ZNF135: variants seen among roughly 807,000 people sequenced by gnomAD.
ZNF135 encodes zinc finger protein 135 (clone pHZ-17).
A neutral mutation model predicts 12.3 loss-of-function variants in ZNF135; 11 were observed. The ratio of observed to expected loss-of-function variants is 0.89; its 90% CI spans 0.56 to 1.48. ZNF135 has a LOEUF of 1.48. ZNF135 is among the 40% of genes most tolerant of loss of function. The pLI is 0.00. For synonymous variants in ZNF135, 316 were observed against 312.0 expected, an observed-to-expected ratio of 1.01 and a Z score of -0.14; for missense variants, 722 against 815.7, an observed-to-expected ratio of 0.89 and a Z score of 1.40.
At chr19:58,064,525 T>C (rs922011147) in intron 4 of ZNF135, among the ~76,000 whole-genome samples, 9 of 152,142 alleles carry the variant, frequency 5.9e-5, no homozygotes, top group Non-Finnish European at 8.8e-5. Flanking sequence ...CTTATGATTT[T>C]TTTAAATAGC....
chr19:58,059,582 C>G lies in ZNF135; in HGVS notation c.-35+272C>G, dbSNP rs1599917401. Among the ~76,000 whole-genome samples the G allele has an allele frequency of 6.6e-6, 1 of 152,120 alleles. No homozygotes were observed. The highest frequency in any genetic ancestry group is 1.5e-5 in the Non-Finnish European group (1 of 68,004). On this transcript the variant is annotated intron_variant, in intron 1 of 4. Transcript: ENST00000313434. The surrounding 1 kb of genome is among the most constrained non-coding windows in gnomAD (Gnocchi z 6.5). Reference sequence around the variant, plus strand: ...CTCCGACGGCCCCTGAGGGAACGCGCGCCCCGCCCCTGGCCCCACCTCTGC... The same window carrying G: ...CTCCGACGGCCCCTGAGGGAACGCGGGCCCCGCCCCTGGCCCCACCTCTGC...
At position 58,068,235 on chromosome 19, in the gene ZNF135, G is replaced by T; in HGVS notation, c.1751G>T (p.Gly584Val). Residue 584 changes from glycine to valine, a missense_variant, in exon 5 of 5, where the codon GGG becomes GTG. Gly to Val is a moderately radical substitution (Grantham distance 109). Coordinates refer to ENST00000313434, the MANE Select transcript of ZNF135 (RefSeq NM_001289401.2). ...KEKPYGCNECGKSFSHSSSLS... is the reference protein window; with the variant it reads ...KEKPYGCNECVKSFSHSSSLS... The stretch of plus-strand genomic sequence containing the variant: ...AAGCCGTATGGGTGCAATGAGTGTG[G>T]GAAATCCTTCAGCCACAGCTCCTCG... The T allele has an allele frequency of 1.9e-6, 3 of 1,614,022 alleles. No homozygotes were observed. Among genetic ancestry groups the T allele is most frequent in the Non-Finnish European group, 2.5e-6 (3 of 1,180,012 alleles).
chr19:58,067,716 AGT>A lies in ZNF135; in HGVS notation c.1236_1237del (p.Cys412TrpfsTer2). 1 of 1,614,134 alleles carries A rather than the reference AGT, an allele frequency of 6.2e-7. No individual in the cohort carries two copies. The highest frequency in any genetic ancestry group is 8.5e-7 in the Non-Finnish European group (1 of 1,180,024). On this transcript the variant is annotated frameshift_variant, in exon 5 of 5. Coordinates refer to ENST00000313434, the MANE Select transcript of ZNF135 (RefSeq NM_001289401.2). LOFTEE classifies it low-confidence loss of function (END_TRUNC). The stretch of plus-strand genomic sequence containing the variant: ...ACCCACACAGGAGAAAAGCCCTATG[AGT>A]GTGGTGAGTGTGGGAAAGCCTTCAG...
Position 58,067,950 on chromosome 19 carries a change from C to G in ZNF135, c.1466C>G (p.Thr489Arg), listed in dbSNP as rs1355211303. 4.3e-6 allele frequency: 7 copies of G among 1,613,976 alleles called. No homozygotes were observed. The highest frequency in any genetic ancestry group is 5.9e-6 in the Non-Finnish European group (7 of 1,180,040). ...THLTQHQRIHTGEKPYECNDC... is the reference protein window; with the variant it reads ...THLTQHQRIHRGEKPYECNDC... ...CTCACCCAACACCAGCGAATCCACA[C>G]AGGGGAGAAGCCCTATGAATGCAAT... The change falls in exon 5 of 5, where the codon ACA becomes AGA. Residue 489 changes from threonine to arginine, a missense_variant. Thr to Arg is a moderately conservative substitution (Grantham distance 71, BLOSUM62 -1). Coordinates refer to ENST00000313434, the MANE Select transcript of ZNF135 (RefSeq NM_001289401.2).
chr19:58,061,356 T>A (rs1024027922), intron 2 of ZNF135, among the ~76,000 whole-genome samples: 3 of 152,190 alleles, frequency 2.0e-5, no homozygotes, highest in African/African-American at 7.2e-5. Flanking sequence ...CCTCCATTTC[T>A]TATTTCAAGA....
chr19:58,063,075 G>A lies in ZNF135; in HGVS notation c.161-371G>A, dbSNP rs1322413806. On this transcript the variant is annotated intron_variant, in intron 3 of 4. Coordinates refer to ENST00000313434, the MANE Select transcript of ZNF135 (RefSeq NM_001289401.2). This position sits in a 1 kb window ranked among gnomAD's most constrained non-coding sequence, Gnocchi z 4.4. ...AGAGAGGCTCCTCTGGAGGTGACAA[G>A]ACAACTGCCTGGGGTGCCTTTCCTG... Among the ~76,000 whole-genome samples the A allele has an allele frequency of 6.6e-6, 1 of 152,180 alleles. No homozygotes were observed. Among genetic ancestry groups the A allele is most frequent in the Non-Finnish European group, 1.5e-5 (1 of 68,032 alleles).
chr19:58,067,463 G>C lies in ZNF135; in HGVS notation c.979G>C (p.Glu327Gln), dbSNP rs371576206. 6.2e-7 allele frequency: 1 copy of C among 1,614,188 alleles called. No individual in the cohort carries two copies. The highest frequency in any genetic ancestry group is 8.5e-7 in the Non-Finnish European group (1 of 1,180,038). Residue 327 changes from glutamate (E) to glutamine (Q), a missense_variant, in exon 5 of 5, where the codon GAG (glutamate) becomes CAG (glutamine). By Grantham distance (29) the Glu-to-Gln change is conservative. Transcript: ENST00000313434. ...ERTHTGEKPYECSECGKAFRQ... is the reference protein window; with the variant it reads ...ERTHTGEKPYQCSECGKAFRQ... The stretch of plus-strand genomic sequence containing the variant: ...AACTCACACAGGCGAGAAGCCCTAC[G>C]AGTGCAGTGAGTGTGGGAAAGCCTT...
rs2145927999 is a variant in ZNF135, at chr19:58,063,126, G to A, written c.161-320G>A. On this transcript the variant is annotated intron_variant, in intron 3 of 4. Transcript: ENST00000313434. The surrounding 1 kb of genome is among the most constrained non-coding windows in gnomAD (Gnocchi z 4.4). ...CAACCAAGACCAGCAGAAAAGACAG[G>A]ATCTGTGTCCCAGGGTTGTCCTGGT... Among the ~76,000 whole-genome samples, 1 of 152,314 alleles carries A rather than the reference G, an allele frequency of 6.6e-6. No individual in the cohort carries two copies. The highest frequency in any genetic ancestry group is 2.4e-5 in the African/African-American group (1 of 41,572).
rs2074020483 is a variant in ZNF135 at position 58,063,664 on chromosome 19, C to G, written c.256+123C>G. The G allele has an allele frequency of 2.0e-6, 3 of 1,468,320 alleles. No individual in the cohort carries two copies. Among genetic ancestry groups the G allele is most frequent in the Non-Finnish European group, 2.7e-6 (3 of 1,106,694 alleles). The allele number at this position is 1,468,320 out of a possible 1,614,324, so 91.0% of individuals were successfully genotyped here. ...ACTACTCAGTCTTAGTGAAGATTTA[C>G]CAAGCACCCATTTTGCTGTGAGTGA... On this transcript the variant is annotated intron_variant, in intron 4 of 4. Coordinates refer to ENST00000313434, the MANE Select transcript of ZNF135 (RefSeq NM_001289401.2). The surrounding 1 kb of genome is among the most constrained non-coding windows in gnomAD (Gnocchi z 4.4).
intron 3 of ZNF135, among the ~76,000 whole-genome samples, chr19:58,062,007 T>A (rs1199987055): frequency 1.3e-5 from 2 of 152,152 alleles, no homozygotes; most frequent in East Asian, 3.9e-4. Flanking sequence ...TAGGAGCCCC[T>A]CCTTCTTCAA....
chr19:58,062,353 CTTATTTATTTAT>C (rs111934366), intron 3 of ZNF135, among the ~76,000 whole-genome samples: 2 of 151,406 alleles, frequency 1.3e-5, no homozygotes, highest in Admixed American at 6.6e-5. Context: ...ACATTTGAAC[CTTATTTATTTAT>C]TTATTTATTT....
chr19:58,063,469 G>A lies in ZNF135; in HGVS notation c.184G>A (p.Val62Ile). The A allele has an allele frequency of 6.2e-7, 1 of 1,614,120 alleles. No homozygotes were observed. Among genetic ancestry groups the A allele is most frequent in the Non-Finnish European group, 8.5e-7 (1 of 1,180,002 alleles). ...SVGHWLPKPNVISLLEQEAEL... is the reference protein window; with the variant it reads ...SVGHWLPKPNIISLLEQEAEL... ...AGGACATTGGTTACCGAAGCCGAAT[G>A]TCATCTCCCTGCTGGAGCAAGAGGC... is the stretch of plus-strand genomic sequence containing the variant. Residue 62 changes from valine to isoleucine, a missense_variant, in exon 4 of 5, where the codon GTC (valine) becomes ATC (isoleucine). Coordinates refer to ENST00000313434, the MANE Select transcript of ZNF135 (RefSeq NM_001289401.2). The surrounding 1 kb of genome is among the most constrained non-coding windows in gnomAD (Gnocchi z 4.4).
rs747636592 is a variant in ZNF135, at chr19:58,060,064, C to T, written c.33+29C>T. On this transcript the variant is annotated intron_variant, in intron 2 of 4. Transcript: ENST00000313434. This position sits in a 1 kb window ranked among gnomAD's most constrained non-coding sequence, Gnocchi z 4.9. ...AGAATCTCGGCCTCCTTGCGCGTGT[C>T]CTCCACCTCGTGCCCGGCCTCCTCG... 11 of 1,612,574 alleles carry T rather than the reference C, an allele frequency of 6.8e-6. No homozygotes were observed. The highest frequency in any genetic ancestry group is 3.3e-5 in the Admixed American group (2 of 59,998).
chr19:58,067,028 C>T lies in ZNF135; in HGVS notation c.544C>T (p.Pro182Ser). The T allele has an allele frequency of 1.2e-6, 2 of 1,614,136 alleles. No homozygotes were observed. Among genetic ancestry groups the T allele is most frequent in the Admixed American group, 3.3e-5 (2 of 60,024 alleles). ...TGATCTCCCACATCAACCAATGACTCCTGAAAGACAAAGCCCCCACACATG... is the reference window on the plus strand; with the variant it reads ...TGATCTCCCACATCAACCAATGACTTCTGAAAGACAAAGCCCCCACACATG... ...NPDLPHQPMT[P>S]ERQSPHTWGT... Residue 182 changes from proline to serine, a missense_variant, in exon 5 of 5, where the codon CCT becomes TCT. Pro to Ser is a moderately conservative substitution (Grantham distance 74, BLOSUM62 -1). Transcript: ENST00000313434.
rs1262187994 is a variant in ZNF135 at position 58,068,732 on chromosome 19, CTA to C, written c.*273_*274del. The C allele has an allele frequency of 7.0e-6, 3 of 427,846 alleles. No homozygotes were observed. Among genetic ancestry groups the C allele is most frequent in the East Asian group, 7.8e-5 (2 of 25,548 alleles). The allele number at this position is 427,846 out of a possible 1,614,324, so 26.5% of individuals were successfully genotyped here. A position where few individuals can be genotyped will look rare whatever the true frequency, so the allele number is the denominator to read the frequency against. On this transcript the variant is annotated 3_prime_UTR_variant, in exon 5 of 5. Transcript: ENST00000313434. ...CTTCAGCCTTGAACGCCCATTAGTG[CTA>C]TGTTATAGAACCTACAAAAAAGAAA...
At position 58,060,641 on chromosome 19, in the gene ZNF135, G is replaced by C. The variant is rs2073961178; in HGVS notation, c.33+606G>C. On this transcript the variant is annotated intron_variant, in intron 2 of 4. Coordinates refer to ENST00000313434, the MANE Select transcript of ZNF135 (RefSeq NM_001289401.2). This position sits in a 1 kb window ranked among gnomAD's most constrained non-coding sequence, Gnocchi z 4.9. ...CATTAACCCCACCCATAAGCCACCA[G>C]AAGAAACCAGCCTCCTGTAGGAATG... is the stretch of plus-strand genomic sequence containing the variant. Among the ~76,000 whole-genome samples the C allele has an allele frequency of 6.6e-6, 1 of 152,172 alleles. No homozygotes were observed. The highest frequency in any genetic ancestry group is 2.1e-4 in the South Asian group (1 of 4,836).
Position 58,059,720 on chromosome 19 carries a change from C to G in ZNF135, c.-34-249C>G. Reference sequence around the variant, plus strand: ...GGCCCTTGTCACTGTAGCGTTAAGGCTCAGAGTCTGCGCAGCAGATATGTG... The same window carrying G: ...GGCCCTTGTCACTGTAGCGTTAAGGGTCAGAGTCTGCGCAGCAGATATGTG... On this transcript the variant is annotated intron_variant, in intron 1 of 4. Coordinates refer to ENST00000313434, the MANE Select transcript of ZNF135 (RefSeq NM_001289401.2). The surrounding 1 kb of genome is among the most constrained non-coding windows in gnomAD (Gnocchi z 6.5). 1 of 570,724 alleles carries G rather than the reference C, an allele frequency of 1.8e-6. No homozygotes were observed. Among genetic ancestry groups the G allele is most frequent in the Non-Finnish European group, 3.1e-6 (1 of 325,268 alleles). The allele number at this position is 570,724 out of a possible 1,614,324, so 35.4% of individuals were successfully genotyped here. A position where few individuals can be genotyped will look rare whatever the true frequency, so the allele number is the denominator to read the frequency against.
chr19:58,062,130 A>G (rs1461671599), intron 3 of ZNF135, among the ~76,000 whole-genome samples: 3 of 152,206 alleles, frequency 2.0e-5, no homozygotes, highest in Non-Finnish European at 4.4e-5. Flanking sequence ...TGGGAAGCCT[A>G]AGATCAAGGT....
rs1315843392 is a variant in ZNF135, at chr19:58,067,776, T to G, written c.1292T>G (p.Ile431Ser). ...ACACTCCTGACCGAGCATCGGAGGA[T>G]TCACACAGGAGAGAAGCCCTATGGA... ...QSTLLTEHRR[I>S]HTGEKPYGCN... Residue 431 changes from isoleucine (I) to serine (S), a missense_variant, in exon 5 of 5, where the codon ATT (isoleucine) becomes AGT (serine). Coordinates refer to ENST00000313434, the MANE Select transcript of ZNF135 (RefSeq NM_001289401.2). 1.2e-6 allele frequency: 2 copies of G among 1,612,074 alleles called. No homozygotes were observed. Among genetic ancestry groups the G allele is most frequent in the South Asian group, 1.1e-5 (1 of 90,980 alleles).
Sources: allele counts gnomAD v4.1 joint callset (sites outside exome capture counted in the v4.1 genomes callset), GRCh38; gene constraint gnomAD v4.1.1; non-coding constraint Gnocchi (gnomAD v3.1); transcripts MANE v1.5; gene names NCBI Gene and HGNC (gene_info 2026-07-23, HGNC 2026-07-21).